Variants in NFIX observed in about 807,000 individuals in gnomAD.
The protein encoded by NFIX is nuclear factor 1 X-type.
Under a neutral mutation model 53.3 loss-of-function variants are expected in NFIX, and 2 were observed. That is an observed-to-expected ratio of 0.04 (90% CI 0.02 to 0.12). The LOEUF is 0.12. Ranked by LOEUF, NFIX falls within the 10% of genes least tolerant of loss-of-function variation. The pLI, the probability that NFIX is intolerant of heterozygous loss-of-function variation, is 1.00. For synonymous variants in NFIX, 244 were observed against 289.0 expected (o/e 0.84, Z 1.58); for missense variants, 310 against 674.5 (o/e 0.46, Z 5.99).
chr19:13,059,032 C>T (rs1268691387), intron 2 of NFIX, among the ~76,000 whole-genome samples: 4 of 152,166 alleles, frequency 2.6e-5, no homozygotes, highest in African/African-American at 7.2e-5. Context: ...CTTAGTCCTC[C>T]ACCATTAGGA....
In NFIX at chr19:12,995,878, C is replaced by A; in HGVS notation, c.27+14C>A. 1 of 979,002 alleles carries A rather than the reference C, an allele frequency of 1.0e-6. No individual in the cohort carries two copies. Among genetic ancestry groups the A allele is most frequent in the South Asian group, 4.5e-5 (1 of 22,376 alleles). 60.6% of individuals were successfully genotyped at this position (979,002 alleles called of 1,614,324 possible). A position where few individuals can be genotyped will look rare whatever the true frequency, so the allele number is the denominator to read the frequency against. On this transcript the variant is annotated intron_variant, in intron 1 of 10. Transcript: ENST00000592199. ...TGCCTCACCCAGGTACCGGCCGCCG[C>A]CCCCGCGCGACCGGGGGAGGGGAGC... is the stretch of plus-strand genomic sequence containing the variant.
rs78636223 is a variant in NFIX, at chr19:13,002,134, G to A, written c.27+6270G>A. 0.087 allele frequency among the ~76,000 whole-genome samples: 13,227 copies of A among 152,040 alleles called. 713 individuals are homozygous for A. The highest frequency in any genetic ancestry group is 0.12 in the Non-Finnish European group (8,408 of 67,898). On this transcript the variant is annotated intron_variant, in intron 1 of 10. Transcript: ENST00000592199. This position sits in a 1 kb window ranked among gnomAD's most constrained non-coding sequence, Gnocchi z 6.1. ...TGGGCCCCACACCCCTGGGCCACCCGCCATCCCTCCGAGGCTCTGAGGGCG... is the reference window on the plus strand; with the variant it reads ...TGGGCCCCACACCCCTGGGCCACCCACCATCCCTCCGAGGCTCTGAGGGCG...
At position 13,002,682 on chromosome 19, in the gene NFIX, A is replaced by G. The variant is rs1479109927; in HGVS notation, c.27+6818A>G. Among the ~76,000 whole-genome samples, 3 of 152,090 alleles carry G rather than the reference A, an allele frequency of 2.0e-5. No homozygotes were observed. The highest frequency in any genetic ancestry group is 4.4e-5 in the Non-Finnish European group (3 of 67,990). ...ACTCCAAGTTGCGTTTGCCACCACT[A>G]CCGATGTGGCTGCGCCAGCCAGGGA... On this transcript the variant is annotated intron_variant, in intron 1 of 10. Coordinates refer to ENST00000592199, the MANE Select transcript of NFIX (RefSeq NM_001365902.3). The surrounding 1 kb of genome is among the most constrained non-coding windows in gnomAD (Gnocchi z 6.1).
rs78004386 is a variant in NFIX, at chr19:13,034,993, C to T, written c.559+9441C>T. Among the ~76,000 whole-genome samples the T allele has an allele frequency of 8.9e-3, 1,353 of 152,228 alleles. 64 individuals carry two copies. In the East Asian group the frequency reaches 0.13, roughly 14 times the overall value. On this transcript the variant is annotated intron_variant, in intron 2 of 10. Transcript: ENST00000592199. The stretch of plus-strand genomic sequence containing the variant: ...TGTCTTGGACATTGTAGAGTTTTAG[C>T]GGAATCTCTGGCCTTGACCCGCTAG...
rs1298228722 is a variant in NFIX, at chr19:13,073,284, C to T, written c.623-138C>T. On this transcript the variant is annotated intron_variant, in intron 3 of 10. Coordinates refer to ENST00000592199, the MANE Select transcript of NFIX (RefSeq NM_001365902.3). This position sits in a 1 kb window ranked among gnomAD's most constrained non-coding sequence, Gnocchi z 4.5. ...GCACACCTAGAGGATCCCCCCTGTT[C>T]GGTGTAGACCTGAGGGCTAGCCTGG... 4 of 922,440 alleles carry T rather than the reference C, an allele frequency of 4.3e-6. No individual in the cohort carries two copies. The highest frequency in any genetic ancestry group is 5.4e-6 in the Non-Finnish European group (3 of 557,070). 57.1% of individuals were successfully genotyped at this position (922,440 alleles called of 1,614,324 possible).
chr19:13,083,343 G>A (rs2017584378), intron 8 of NFIX, among the ~76,000 whole-genome samples: 2 of 152,102 alleles, frequency 1.3e-5, no homozygotes, highest in Admixed American at 6.5e-5. Flanking sequence ...CTTAACTACC[G>A]AGGCAGCCAG....
chr19:13,059,092 G>C lies in NFIX; in HGVS notation c.560-13955G>C, dbSNP rs146247695. 9.7e-4 allele frequency among the ~76,000 whole-genome samples: 148 copies of C among 152,278 alleles called. 1 individual carries two copies. The East Asian group carries it at 0.022, about 22-fold the overall frequency. On this transcript the variant is annotated intron_variant, in intron 2 of 10. Coordinates refer to ENST00000592199, the MANE Select transcript of NFIX (RefSeq NM_001365902.3). The stretch of plus-strand genomic sequence containing the variant: ...CACAAGCGCATAGATCCCGGGATTC[G>C]TGCACATCGGGATTTTCACATGCAC...
rs1182724869 is a variant in NFIX at position 13,088,711 on chromosome 19, T to G, written c.1402+575T>G. Among the ~76,000 whole-genome samples, 3 of 149,978 alleles carry G rather than the reference T, an allele frequency of 2.0e-5. No homozygotes were observed. Among genetic ancestry groups the G allele is most frequent in the Admixed American group, 2.0e-4 (3 of 15,086 alleles). The stretch of plus-strand genomic sequence containing the variant: ...CACATTTGGTTTCTCGTTGTTCCTC[T>G]TTTTTTTTCCCCCCCTTCCATCCCT... On this transcript the variant is annotated intron_variant, in intron 9 of 10. Transcript: ENST00000592199. This position sits in a 1 kb window ranked among gnomAD's most constrained non-coding sequence, Gnocchi z 5.9.
At position 13,040,553 on chromosome 19, in the gene NFIX, C is replaced by T. The variant is rs1305748597; in HGVS notation, c.559+15001C>T. ...CGCCTCCCTCCCTCTCCTCAGGAGC[C>T]CTGGCCTCCAGGCTCCTTGTATGGA... On this transcript the variant is annotated intron_variant, in intron 2 of 10. Coordinates refer to ENST00000592199, the MANE Select transcript of NFIX (RefSeq NM_001365902.3). The surrounding 1 kb of genome is among the most constrained non-coding windows in gnomAD (Gnocchi z 4.2). Among the ~76,000 whole-genome samples the T allele has an allele frequency of 1.3e-5, 2 of 152,204 alleles. No homozygotes were observed. The highest frequency in any genetic ancestry group is 2.9e-5 in the Non-Finnish European group (2 of 68,040).
rs1475073210 is a variant in NFIX at position 13,060,082 on chromosome 19, C to T, written c.560-12965C>T. Among the ~76,000 whole-genome samples the T allele has an allele frequency of 6.6e-6, 1 of 152,232 alleles. No homozygotes were observed. Among genetic ancestry groups the T allele is most frequent in the Non-Finnish European group, 1.5e-5 (1 of 68,042 alleles). ...AGATTACAGGCATGAGCCACCGCACCCGGCCAAGAGGAACGCTTTTGGCCT... is the reference window on the plus strand; with the variant it reads ...AGATTACAGGCATGAGCCACCGCACTCGGCCAAGAGGAACGCTTTTGGCCT... On this transcript the variant is annotated intron_variant, in intron 2 of 10. Coordinates refer to ENST00000592199, the MANE Select transcript of NFIX (RefSeq NM_001365902.3). This position sits in a 1 kb window ranked among gnomAD's most constrained non-coding sequence, Gnocchi z 4.3.
Position 12,995,613 on chromosome 19 carries a change from C to CGCGGCGGCG in NFIX, c.-216_-208dup, listed in dbSNP as rs1178355488. 2.8e-5 allele frequency: 4 copies of CGCGGCGGCG among 141,408 alleles called. No homozygotes were observed. The highest frequency in any genetic ancestry group is 3.7e-4 in the South Asian group (2 of 5,344). The allele number at this position is 141,408 out of a possible 1,614,324, so 8.8% of individuals were successfully genotyped here. ...GGCGGACGCGAGAGGCAGCGGCGAG[C>CGCGGCGGCG]GCGGCGGCGGCGGCGGCAGCGGCGG... On this transcript the variant is annotated 5_prime_UTR_variant, in exon 1 of 11. Transcript: ENST00000592199.
rs2018034959 is a variant in NFIX at position 13,089,988 on chromosome 19, C to T, written c.1403-311C>T. Among the ~76,000 whole-genome samples the T allele has an allele frequency of 1.3e-5, 2 of 152,190 alleles. No homozygotes were observed. Among genetic ancestry groups the T allele is most frequent in the Admixed American group, 1.3e-4 (2 of 15,286 alleles). ...AGGAGACTTGTCTCAGCCTCCAGGG[C>T]CTCTCCCTCATCCCAGCTGTGAAAA... On this transcript the variant is annotated intron_variant, in intron 9 of 10. Transcript: ENST00000592199. This position sits in a 1 kb window ranked among gnomAD's most constrained non-coding sequence, Gnocchi z 4.8.
At chr19:13,080,773 G>A (rs970159044) in intron 7 of NFIX, among the ~76,000 whole-genome samples, 3 of 152,106 alleles carry the variant, frequency 2.0e-5, no homozygotes, top group African/African-American at 4.8e-5. Flanking sequence ...GGCTGAGGTG[G>A]GCGGATCACA....
At chr19:13,015,604 C>A in intron 1 of NFIX, among the ~76,000 whole-genome samples, 1 of 152,220 alleles carries the variant, frequency 6.6e-6, no homozygotes, top group East Asian at 1.9e-4. Flanking sequence ...TGAGGCCCCC[C>A]ATTCCCTGCC....
intron 1 of NFIX, among the ~76,000 whole-genome samples, chr19:13,000,552 G>C (rs2011639749): frequency 6.6e-6 from 1 of 151,696 alleles, no homozygotes; most frequent in African/African-American, 2.4e-5. Context: ...GAGATGGTGG[G>C]GGAGAGTGGG....
In NFIX at chr19:13,079,080, C is replaced by T. The variant is rs539060606; in HGVS notation, c.1078+345C>T. Among the ~76,000 whole-genome samples, 22 of 152,394 alleles carry T rather than the reference C, an allele frequency of 1.4e-4. No individual in the cohort carries two copies. In the South Asian group the frequency reaches 4.6e-3, roughly 32 times the overall value. ...CCTGCCAGCTGTGAGCGGGAAGGCA[C>T]AGCCTTCTGCTCTGCCTTCCTGCCG... On this transcript the variant is annotated intron_variant, in intron 7 of 10. Coordinates refer to ENST00000592199, the MANE Select transcript of NFIX (RefSeq NM_001365902.3).
At chr19:13,032,124 A>G (rs984411931) in intron 2 of NFIX, among the ~76,000 whole-genome samples, 4 of 152,236 alleles carry the variant, frequency 2.6e-5, no homozygotes, top group African/African-American at 9.6e-5. Flanking sequence ...TTCATTTGCC[A>G]GTGGAGGGGG....
In NFIX at chr19:13,023,070, T is replaced by TCTCTCTC. The variant is rs2013036703; in HGVS notation, c.28-1951_28-1950insCTCTCTC. ...CAAATAGGTGGATCCTTCTCTCTCT[T>TCTCTCTC]TCTCTCTCTCTCTCTCTCTCTCTCT... On this transcript the variant is annotated intron_variant, in intron 1 of 10. Coordinates refer to ENST00000592199, the MANE Select transcript of NFIX (RefSeq NM_001365902.3). 4.3e-5 allele frequency among the ~76,000 whole-genome samples: 6 copies of TCTCTCTC among 138,124 alleles called. 1 individual carries two copies. The highest frequency in any genetic ancestry group is 4.6e-4 in the South Asian group (2 of 4,318). The allele number at this position is 138,124 out of a possible 152,430, so 90.6% of individuals were successfully genotyped here. A position where few individuals can be genotyped will look rare whatever the true frequency, so the allele number is the denominator to read the frequency against.
chr19:13,050,527 C>T (rs903796930), intron 2 of NFIX, among the ~76,000 whole-genome samples: 6 of 152,120 alleles, frequency 3.9e-5, no homozygotes, highest in East Asian at 1.9e-4. Context: ...TGGTTCCTGG[C>T]GTCTAGCAGG....
Sources: allele counts gnomAD v4.1 joint callset (sites outside exome capture counted in the v4.1 genomes callset), GRCh38; gene constraint gnomAD v4.1.1; non-coding constraint Gnocchi (gnomAD v3.1); transcripts MANE v1.5; gene names NCBI Gene and HGNC (gene_info 2026-07-23, HGNC 2026-07-21).